AXIN1: variants seen among roughly 807,000 people sequenced by gnomAD.
The protein encoded by AXIN1 is axin-1.
In AXIN1, 30 loss-of-function variants were observed where a neutral mutation model predicts 76.4. The observed-to-expected ratio is 0.39, with a 90% CI of 0.29 to 0.53. The LOEUF (loss-of-function observed/expected upper bound fraction) is 0.53, where lower values mean the gene tolerates loss of function less well. Among genes scored for constraint, AXIN1 ranks in the 20% least tolerant of loss-of-function variants. The probability of loss-of-function intolerance (pLI) is 0.66; values close to 1 mark genes in which losing one functional copy is unlikely to be tolerated. For synonymous variants in AXIN1, 545 were observed against 501.4 expected, an observed-to-expected ratio of 1.09 and a Z score of -1.16; for missense variants, 1,140 against 1,198.8, an observed-to-expected ratio of 0.95 and a Z score of 0.72.
intron 2 of AXIN1, among the ~76,000 whole-genome samples, chr16:334,441 A>G (rs1008432375): frequency 6.6e-6 from 1 of 150,518 alleles, no homozygotes; most frequent in African/African-American, 2.5e-5. Context: ...AGCACCCAAT[A>G]CCACGGCATG....
At chr16:314,423 G>C in intron 3 of AXIN1, 120 bp downstream of exon 3, 8 of 1,493,460 alleles carry the variant, frequency 5.4e-6, no homozygotes, top group Non-Finnish European at 3.6e-6. Context: ...GCTGCCATCC[G>C]CAAGAAACAG....
rs202185288 is a variant in AXIN1, at chr16:326,025, C to T, written c.879-11342G>A. ...CTGTTTTAGCAATACTGACAACTGGCCCCCATTCATGCAGATGCTGTCACT... is the reference window on the plus strand; with the variant it reads ...CTGTTTTAGCAATACTGACAACTGGTCCCCATTCATGCAGATGCTGTCACT... On this transcript the variant is annotated intron_variant, in intron 2 of 10. Coordinates refer to ENST00000262320, the MANE Select transcript of AXIN1 (RefSeq NM_003502.4). 2.6e-5 allele frequency among the ~76,000 whole-genome samples: 4 copies of T among 152,054 alleles called. No individual in the cohort carries two copies. The East Asian group carries it at 5.8e-4, about 22-fold the overall frequency.
chr16:349,054 C>T (rs9938786), intron 1 of AXIN1, among the ~76,000 whole-genome samples: 36,854 of 151,552 alleles, frequency 0.24, 4,624 homozygotes, highest in South Asian at 0.31. Flanking sequence ...GCCGACACCG[C>T]GCCGGCCACT....
chr16:310,187 G>A, intron 3 of AXIN1, 118 bp from the exon 4 acceptor site: 1 of 853,298 alleles, frequency 1.2e-6, no homozygotes, highest in Non-Finnish European at 1.9e-6. Context: ...ACACCTGTGA[G>A]CCACCACCAC....
chr16:344,938 G>A (rs773944843), intron 2 of AXIN1, among the ~76,000 whole-genome samples: 1 of 152,194 alleles, frequency 6.6e-6, no homozygotes, highest in Non-Finnish European at 1.5e-5. Context: ...GAGAGTCCCA[G>A]CACATGGGGC....
intron 2 of AXIN1, among the ~76,000 whole-genome samples, chr16:316,743 T>C (rs1302779782): frequency 6.6e-6 from 1 of 152,136 alleles, no homozygotes; most frequent in African/African-American, 2.4e-5. Flanking sequence ...AGTGCACCCT[T>C]ACAATCATTC....
chr16:346,263 CATCCATGTCCTG>C lies in AXIN1; in HGVS notation c.751_762del (p.Gln251_Asp254del). The C allele has an allele frequency of 6.2e-7, 1 of 1,614,194 alleles. No homozygotes were observed. The highest frequency in any genetic ancestry group is 8.5e-7 in the Non-Finnish European group (1 of 1,180,040). Reference sequence around the variant, plus strand: ...GGAGCAGCGTCTCTGCCATCGTCCTCATCCATGTCCTGGTCACACTTCCATTCCTCATCTTCA... The same window carrying C: ...GGAGCAGCGTCTCTGCCATCGTCCTCGTCACACTTCCATTCCTCATCTTCA... On this transcript the variant is annotated inframe_deletion, in exon 2 of 11. Coordinates refer to ENST00000262320, the MANE Select transcript of AXIN1 (RefSeq NM_003502.4).
At chr16:294,055 G>A (rs2052642526) in intron 7 of AXIN1, among the ~76,000 whole-genome samples, 1 of 152,148 alleles carries the variant, frequency 6.6e-6, no homozygotes, top group African/African-American at 2.4e-5. Context: ...CTGCTACTCT[G>A]GAGGCTGGGG....
At chr16:329,591 G>A (rs986081162) in intron 2 of AXIN1, among the ~76,000 whole-genome samples, 10 of 151,678 alleles carry the variant, frequency 6.6e-5, no homozygotes, top group Non-Finnish European at 1.3e-4. Flanking sequence ...GATTACAGGC[G>A]CACAACACCA....
intron 2 of AXIN1, among the ~76,000 whole-genome samples, chr16:345,396 G>A (rs2885415): frequency 0.21 from 32,194 of 152,210 alleles, 3,650 homozygotes; most frequent in South Asian, 0.3. Context: ...CAGCCTGTAG[G>A]AAGAAGCTTA....
chr16:289,878 G>C, intron 9 of AXIN1: 1 of 559,038 alleles, frequency 1.8e-6, no homozygotes, highest in Non-Finnish European at 3.2e-6. Context: ...CTGGCTGCCA[G>C]GTGCACTGCA....
chr16:313,668 T>C (rs1241222717), intron 3 of AXIN1, among the ~76,000 whole-genome samples: 1 of 152,108 alleles, frequency 6.6e-6, no homozygotes, highest in Non-Finnish European at 1.5e-5. Context: ...GCTGGGAAGG[T>C]CTGAGCTTCA....
At chr16:322,710 A>G (rs1392119660) in intron 2 of AXIN1, among the ~76,000 whole-genome samples, 10 of 152,196 alleles carry the variant, frequency 6.6e-5, no homozygotes, top group Non-Finnish European at 1.3e-4. Flanking sequence ...TACACACAGA[A>G]TCGCTGGCTC....
intron 1 of AXIN1, among the ~76,000 whole-genome samples, chr16:351,402 G>C (rs2054140062): frequency 6.6e-6 from 1 of 152,128 alleles, no homozygotes. Context: ...CTGAGGTCAG[G>C]AGTTCCAGGC....
intron 2 of AXIN1, among the ~76,000 whole-genome samples, chr16:319,311 T>A (rs1286224841): frequency 6.6e-6 from 1 of 152,048 alleles, no homozygotes; most frequent in Admixed American, 6.6e-5. Context: ...CAGCCTGTGC[T>A]CCAGACTCTG....
Position 293,786 on chromosome 16 carries a change from A to C in AXIN1, c.1956-68T>G. On this transcript the variant is annotated intron_variant, in intron 7 of 10. Coordinates refer to ENST00000262320, the MANE Select transcript of AXIN1 (RefSeq NM_003502.4). This position sits in a 1 kb window ranked among gnomAD's most constrained non-coding sequence, Gnocchi z 4.6. ...TGGCCAGGTGGCCTGGTGGGGCTAC[A>C]CTCATCTCACAAGGGCAGCCTCCTT... 1.3e-6 allele frequency: 2 copies of C among 1,488,016 alleles called. No homozygotes were observed. The highest frequency in any genetic ancestry group is 1.9e-6 in the Non-Finnish European group (2 of 1,073,682). The allele number at this position is 1,488,016 out of a possible 1,614,324, so 92.2% of individuals were successfully genotyped here. A position where few individuals can be genotyped will look rare whatever the true frequency, so the allele number is the denominator to read the frequency against.
rs2141467784 is a variant in AXIN1 at position 289,501 on chromosome 16, T to C, written c.2401A>G (p.Arg801Gly). Residue 801 changes from arginine to glycine, a missense_variant, in exon 10 of 11, where the codon AGG (arginine) becomes GGG (glycine). By Grantham distance (125) the Arg-to-Gly change is moderately radical. Around this residue, in one of 3 missense-constraint regions of AXIN1, gnomAD observed 429 missense variants for 405.8 expected, o/e 1.06. Coordinates refer to ENST00000262320, the MANE Select transcript of AXIN1 (RefSeq NM_003502.4). Reference protein sequence around the residue: ...GEPIPYRTLVRGRAVTLGQFK... With the variant: ...GEPIPYRTLVGGRAVTLGQFK... ...TGGCCCAGGGTGACAGCGCGGCCCC[T>C]CACCAGGGTGCGGTAGGGGATGGGT... 6.2e-7 allele frequency: 1 copy of C among 1,612,946 alleles called. No homozygotes were observed. Among genetic ancestry groups the C allele is most frequent in the Non-Finnish European group, 8.5e-7 (1 of 1,180,022 alleles).
At position 308,782 on chromosome 16, in the gene AXIN1, A is replaced by G. The variant is rs879435540; in HGVS notation, c.1116+1191T>C. On this transcript the variant is annotated intron_variant, in intron 4 of 10. Transcript: ENST00000262320. ...CCACACACAGCCTACAGTGTCAGCC[A>G]CTTTTTGTTAAGTAGACACCATCAG... 2.0e-5 allele frequency among the ~76,000 whole-genome samples: 3 copies of G among 152,196 alleles called. No homozygotes were observed. In the East Asian group the frequency reaches 5.8e-4, roughly 29 times the overall value.
intron 8 of AXIN1, chr16:291,765 G>A (rs1437082545): frequency 6.9e-6 from 2 of 291,278 alleles, no homozygotes; most frequent in South Asian, 3.1e-5. Flanking sequence ...TCCTGGGGCA[G>A]CACAGCAGCT....
Sources: gnomAD v4.1 joint callset for allele counts (sites outside exome capture counted in the v4.1 genomes callset) on GRCh38, gnomAD v4.1.1 for gene constraint, gnomAD v4.1.1 regional missense constraint, Gnocchi (gnomAD v3.1) non-coding constraint, MANE v1.5 for transcripts, NCBI Gene and HGNC (gene_info 2026-07-23, HGNC 2026-07-21) for gene names.